The following BMPER variants were observed in gnomAD, a reference collection of about 807,000 sequenced individuals.
The protein encoded by BMPER is BMP-binding endothelial regulator protein.
BMPER carries 45 observed loss-of-function variants against 87.3 expected under a neutral mutation model. The observed-to-expected ratio is 0.52, with a 90% CI of 0.41 to 0.66. The LOEUF is 0.66. Among genes scored for constraint, BMPER ranks in the 30% least tolerant of loss-of-function variants. BMPER has a pLI of 0.00. For missense variants in BMPER, 784 were observed against 867.5 expected, an observed-to-expected ratio of 0.90 and a Z score of 1.21; for synonymous variants, 326 against 316.2, an observed-to-expected ratio of 1.03 and a Z score of -0.33.
chr7:34,071,894 G>A (rs1274497954), intron 11 of BMPER, among the ~76,000 whole-genome samples: 2 of 152,140 alleles, frequency 1.3e-5, no homozygotes, highest in African/African-American at 4.8e-5. Context: ...CTTTTGACAG[G>A]GTCTCTATGA....
intron 6 of BMPER, among the ~76,000 whole-genome samples, chr7:34,044,650 T>A (rs1161378931): frequency 6.6e-6 from 1 of 152,166 alleles, no homozygotes; most frequent in Admixed American, 6.5e-5. Context: ...CAGAGCAGCC[T>A]GGGATTCTGG....
At chr7:34,097,824 G>A (rs1236245632) in intron 13 of BMPER, among the ~76,000 whole-genome samples, 1 of 152,118 alleles carries the variant, frequency 6.6e-6, no homozygotes, top group African/African-American at 2.4e-5. Flanking sequence ...TGAATGAACA[G>A]GGCTTAGGTT....
chr7:34,084,025 C>T lies in BMPER; in HGVS notation c.1409-1731C>T, dbSNP rs115774784. Among the ~76,000 whole-genome samples the T allele has an allele frequency of 5.9e-3, 879 of 149,414 alleles. 11 individuals are homozygous for T. The highest frequency in any genetic ancestry group is 0.01 in the Non-Finnish European group (708 of 67,600). ...TTAAAAAAAAAAAAAAAAAAAAGGCCGCATGCAGTGGCTCACGCCTGTAAT... is the reference window on the plus strand; with the variant it reads ...TTAAAAAAAAAAAAAAAAAAAAGGCTGCATGCAGTGGCTCACGCCTGTAAT... On this transcript the variant is annotated intron_variant, in intron 12 of 14. Coordinates refer to ENST00000649409, the MANE Select transcript of BMPER (RefSeq NM_001365308.1).
chr7:33,997,915 C>G (rs908354787), intron 6 of BMPER, among the ~76,000 whole-genome samples: 1 of 152,178 alleles, frequency 6.6e-6, no homozygotes, highest in East Asian at 1.9e-4. Context: ...CCTAAATCCC[C>G]CTGCCACCAG....
intron 2 of BMPER, among the ~76,000 whole-genome samples, chr7:33,934,035 G>C (rs1180193440): frequency 6.6e-6 from 1 of 152,198 alleles, no homozygotes. Flanking sequence ...CTTGAATGAA[G>C]ATGTGAACGG....
chr7:33,905,300 T>C (rs1783777126), upstream of BMPER, among the ~76,000 whole-genome samples: 1 of 147,296 alleles, frequency 6.8e-6, no homozygotes, highest in Non-Finnish European at 1.5e-5. Context: ...CCCTTCCTCC[T>C]GGCCCCCTCT....
intron 6 of BMPER, among the ~76,000 whole-genome samples, chr7:34,024,452 TA>T (rs78715545): frequency 0.34 from 28,241 of 82,932 alleles, 5,987 homozygotes; most frequent in African/African-American, 0.5. Context: ...AGGGGTATGG[TA>T]AAAAAAAAAA....
intron 2 of BMPER, among the ~76,000 whole-genome samples, chr7:33,932,649 G>A (rs1017728631): frequency 6.6e-6 from 1 of 152,050 alleles, no homozygotes; most frequent in Non-Finnish European, 1.5e-5. Flanking sequence ...AAAAATAAAG[G>A]ATCCGCCCGC....
intron 1 of BMPER, 117 bp downstream of exon 1, chr7:33,905,863 C>A: frequency 7.3e-7 from 1 of 1,372,096 alleles, no homozygotes. Context: ...TGGCGCTTGC[C>A]CTGCGCTGGT....
At chr7:33,961,657 A>T (rs2128616460) in intron 3 of BMPER, among the ~76,000 whole-genome samples, 1 of 152,320 alleles carries the variant, frequency 6.6e-6, no homozygotes, top group Admixed American at 6.5e-5. Flanking sequence ...GCCCTCCACA[A>T]AGAGGCTCCA....
chr7:34,026,337 AG>A (rs1292602559), intron 6 of BMPER, among the ~76,000 whole-genome samples: 2 of 152,098 alleles, frequency 1.3e-5, no homozygotes, highest in Non-Finnish European at 2.9e-5. Context: ...CATGCATCAC[AG>A]GTTTTCCATT....
intron 10 of BMPER, among the ~76,000 whole-genome samples, chr7:34,061,479 A>T (rs1177781024): frequency 6.6e-6 from 1 of 152,194 alleles, no homozygotes; most frequent in Non-Finnish European, 1.5e-5. Context: ...TGAAACAAGA[A>T]ATCTGACTGA....
At chr7:34,024,805 C>G (rs746403379) in intron 6 of BMPER, among the ~76,000 whole-genome samples, 1 of 151,904 alleles carries the variant, frequency 6.6e-6, no homozygotes, top group Non-Finnish European at 1.5e-5. Flanking sequence ...ATCAAAATCC[C>G]AGGCTCTGCC....
intron 11 of BMPER, among the ~76,000 whole-genome samples, chr7:34,064,118 C>T (rs1469669516): frequency 3.3e-5 from 5 of 152,148 alleles, no homozygotes; most frequent in Non-Finnish European, 5.9e-5. Context: ...AGGTAAAACC[C>T]CATTTCTACT....
chr7:34,009,188 T>G (rs1345245509), intron 6 of BMPER, among the ~76,000 whole-genome samples: 1 of 151,878 alleles, frequency 6.6e-6, no homozygotes, highest in Admixed American at 6.6e-5. Context: ...TACAACCATG[T>G]GCCACCAAGC....
chr7:33,988,766 T>G (rs1239494507), intron 6 of BMPER, among the ~76,000 whole-genome samples: 4 of 70,506 alleles, frequency 5.7e-5, no homozygotes, highest in African/African-American at 1.1e-4. Context: ...CCCTCCCCCC[T>G]CCCCCCACCC....
chr7:34,093,624 G>T (rs1037746341), intron 13 of BMPER, among the ~76,000 whole-genome samples: 4 of 152,126 alleles, frequency 2.6e-5, no homozygotes, highest in Non-Finnish European at 5.9e-5. Flanking sequence ...ACCTTCCTAG[G>T]TCAAGGTTAA....
chr7:33,953,777 A>C (rs966527464), intron 3 of BMPER, among the ~76,000 whole-genome samples: 2 of 152,156 alleles, frequency 1.3e-5, no homozygotes, highest in South Asian at 4.1e-4. Context: ...CTGAAACTCT[A>C]TACCCATTAA....
chr7:34,097,256 G>A (rs1262787031), intron 13 of BMPER, among the ~76,000 whole-genome samples: 1 of 152,200 alleles, frequency 6.6e-6, no homozygotes, highest in African/African-American at 2.4e-5. Flanking sequence ...TCACAGCCAT[G>A]GAGGCTAGGG....
Sources: allele counts gnomAD v4.1 joint callset (sites outside exome capture counted in the v4.1 genomes callset), GRCh38; gene constraint gnomAD v4.1.1; transcripts MANE v1.5; gene names NCBI Gene and HGNC (gene_info 2026-07-23, HGNC 2026-07-21).